The following ATRNL1 variants were observed in gnomAD, a reference collection of about 807,000 sequenced individuals.
ATRNL1 encodes attractin like 1.
Under a neutral mutation model 182.7 loss-of-function variants are expected in ATRNL1, and 95 were observed. The ratio of observed to expected loss-of-function variants is 0.52; its 90% CI spans 0.44 to 0.62. The LOEUF (loss-of-function observed/expected upper bound fraction) is 0.62. Ranked by LOEUF, ATRNL1 falls within the 20% of genes least tolerant of loss-of-function variation. ATRNL1 has a pLI of 0.00. For synonymous variants in ATRNL1, 576 were observed against 568.3 expected (o/e 1.01, Z -0.19); for missense variants, 1,471 against 1,679.5 (o/e 0.88, Z 2.17).
chr10:115,630,247 A>G (rs557927079), intron 26 of ATRNL1, among the ~76,000 whole-genome samples: 1 of 152,282 alleles, frequency 6.6e-6, no homozygotes, highest in South Asian at 2.1e-4. Context: ...GAAGGACAAT[A>G]GATATATGAA....
At chr10:115,189,906 CT>C (rs1313733146) in intron 8 of ATRNL1, among the ~76,000 whole-genome samples, 1 of 150,654 alleles carries the variant, frequency 6.6e-6, no homozygotes, top group Admixed American at 6.6e-5. Context: ...GGTAAGTGTC[CT>C]ATACAGGTAT....
At chr10:115,436,983 A>G (rs1157614546) in intron 21 of ATRNL1, among the ~76,000 whole-genome samples, 8 of 152,134 alleles carry the variant, frequency 5.3e-5, no homozygotes, top group Admixed American at 1.3e-4. Context: ...CAAACTTTAT[A>G]GAGCTTTGGG....
intron 20 of ATRNL1, among the ~76,000 whole-genome samples, chr10:115,409,467 G>T (rs1554959308): frequency 6.6e-6 from 1 of 152,002 alleles, no homozygotes; most frequent in Non-Finnish European, 1.5e-5. Flanking sequence ...ATAGTGTTTT[G>T]GGAGATTCTT....
At chr10:115,322,455 C>A (rs1431650296) in intron 18 of ATRNL1, among the ~76,000 whole-genome samples, 2 of 151,796 alleles carry the variant, frequency 1.3e-5, no homozygotes, top group African/African-American at 2.4e-5. Context: ...AAACATGTTA[C>A]ATTTTTATGG....
At chr10:115,272,507 G>A (rs1851912934) in intron 13 of ATRNL1, among the ~76,000 whole-genome samples, 2 of 152,080 alleles carry the variant, frequency 1.3e-5, no homozygotes, top group Non-Finnish European at 2.9e-5. Context: ...CCTTCCTCTG[G>A]AATTAAGACA....
intron 24 of ATRNL1, among the ~76,000 whole-genome samples, chr10:115,506,272 G>A (rs1025518231): frequency 1.1e-4 from 16 of 150,574 alleles, no homozygotes; most frequent in Admixed American, 2.0e-4. Context: ...GATAGAGTTG[G>A]TTAAACCCAA....
chr10:115,242,001 A>ACACT (rs1246493317), intron 10 of ATRNL1, among the ~76,000 whole-genome samples: 1 of 152,012 alleles, frequency 6.6e-6, no homozygotes, highest in Non-Finnish European at 1.5e-5. Context: ...CCCTTTGTGA[A>ACACT]CACTATATCA....
chr10:115,174,937 A>AG lies in ATRNL1; in HGVS notation c.1348+3650dup, dbSNP rs372834720. Among the ~76,000 whole-genome samples, 551 of 152,092 alleles carry AG rather than the reference A, an allele frequency of 3.6e-3. 3 individuals carry two copies. Among genetic ancestry groups the AG allele is most frequent in the African/African-American group, 0.013 (532 of 41,538 alleles). On this transcript the variant is annotated intron_variant, in intron 8 of 28. Transcript: ENST00000355044. ...ATCTAGTAAATGGCCCAAAGTTCCC[A>AG]GGGGGAATAGTTGTTTCGTATATGT...
chr10:115,301,796 T>G, intron 16 of ATRNL1, 59 bp from the exon 17 acceptor site: 1 of 1,415,140 alleles, frequency 7.1e-7, no homozygotes, highest in Admixed American at 2.4e-5. Flanking sequence ...AGAAAACCCA[T>G]ACAATTGTGT....
chr10:115,282,265 A>T (rs1852403882), intron 14 of ATRNL1, among the ~76,000 whole-genome samples: 1 of 148,358 alleles, frequency 6.7e-6, no homozygotes, highest in Non-Finnish European at 1.5e-5. Flanking sequence ...TTTTAAAATT[A>T]TTATTATTAT....
At chr10:115,458,444 C>T (rs1488013926) in intron 21 of ATRNL1, among the ~76,000 whole-genome samples, 6 of 152,126 alleles carry the variant, frequency 3.9e-5, no homozygotes, top group African/African-American at 1.4e-4. Context: ...AATACTCCTA[C>T]TAATTTTGTT....
At chr10:115,665,072 C>T (rs1247598447) in intron 26 of ATRNL1, among the ~76,000 whole-genome samples, 1 of 152,116 alleles carries the variant, frequency 6.6e-6, no homozygotes, top group Non-Finnish European at 1.5e-5. Context: ...GATGGGAAAA[C>T]ATCTAATGGT....
chr10:115,813,909 A>C (rs1950105900), intron 27 of ATRNL1, among the ~76,000 whole-genome samples: 2 of 152,186 alleles, frequency 1.3e-5, no homozygotes, highest in South Asian at 4.1e-4. Flanking sequence ...TTGTACCTAC[A>C]AAAAGATATT....
chr10:115,526,950 T>C (rs1851247315), intron 25 of ATRNL1, among the ~76,000 whole-genome samples: 2 of 151,990 alleles, frequency 1.3e-5, no homozygotes, highest in South Asian at 4.2e-4. Context: ...GAGTCTTCCA[T>C]CTCCCAGGAA....
At chr10:115,359,048 A>G (rs1056459232) in intron 19 of ATRNL1, among the ~76,000 whole-genome samples, 1 of 151,578 alleles carries the variant, frequency 6.6e-6, no homozygotes, top group Non-Finnish European at 1.5e-5. Context: ...TTGAACTCAA[A>G]TTACTCATTT....
intron 24 of ATRNL1, among the ~76,000 whole-genome samples, chr10:115,512,691 A>G (rs1156284666): frequency 6.6e-6 from 1 of 151,954 alleles, no homozygotes; most frequent in Non-Finnish European, 1.5e-5. Context: ...TTAGTGGGGA[A>G]AAGACATTTT....
At chr10:115,686,504 A>G (rs1946223608) in intron 26 of ATRNL1, among the ~76,000 whole-genome samples, 1 of 152,048 alleles carries the variant, frequency 6.6e-6, no homozygotes, top group South Asian at 2.1e-4. Context: ...GAACACTAAC[A>G]AAATCCCATT....
At chr10:115,566,836 A>G (rs1379794606) in intron 26 of ATRNL1, among the ~76,000 whole-genome samples, 1 of 152,168 alleles carries the variant, frequency 6.6e-6, no homozygotes, top group Non-Finnish European at 1.5e-5. Context: ...TTAGTAAAGG[A>G]GGCTAATTGT....
At chr10:115,436,885 T>C in intron 21 of ATRNL1, among the ~76,000 whole-genome samples, 1 of 152,006 alleles carries the variant, frequency 6.6e-6, no homozygotes, top group East Asian at 1.9e-4. Flanking sequence ...CTAGAGAAAA[T>C]AGATATTAAA....
Sources: gnomAD v4.1 joint callset for allele counts (sites outside exome capture counted in the v4.1 genomes callset) on GRCh38, gnomAD v4.1.1 for gene constraint, MANE v1.5 for transcripts, NCBI Gene and HGNC (gene_info 2026-07-23, HGNC 2026-07-21) for gene names.